PUM2: variants seen among roughly 807,000 people sequenced by gnomAD.
PUM2 encodes pumilio homolog 2.
Under a neutral mutation model 124.5 loss-of-function variants are expected in PUM2, and 57 were observed. That is an observed-to-expected ratio of 0.46 (90% CI 0.37 to 0.57). The LOEUF is 0.57. Ranked by LOEUF, PUM2 falls within the 20% of genes least tolerant of loss-of-function variation. PUM2 has a pLI of 0.00. For synonymous variants in PUM2, 460 were observed against 446.1 expected, an observed-to-expected ratio of 1.03 and a Z score of -0.39; for missense variants, 1,065 against 1,290.6, an observed-to-expected ratio of 0.83 and a Z score of 2.68.
At chr2:20,335,090 A>ATTT (rs1685722981) in intron 1 of PUM2, among the ~76,000 whole-genome samples, 1 of 151,978 alleles carries the variant, frequency 6.6e-6, no homozygotes, top group Non-Finnish European at 1.5e-5. Flanking sequence ...CCCCCAGCAA[A>ATTT]TTTTTGTATT....
At chr2:20,256,287 T>A in intron 16 of PUM2, 117 bp from the exon 17 acceptor site, 1 of 948,696 alleles carries the variant, frequency 1.1e-6, no homozygotes, top group Non-Finnish European at 1.5e-6. Context: ...ATCTCAGTAT[T>A]AAAAATACTG....
intron 12 of PUM2, among the ~76,000 whole-genome samples, chr2:20,280,777 G>A (rs1473236537): frequency 2.0e-5 from 3 of 152,112 alleles, no homozygotes; most frequent in African/African-American, 4.8e-5. Context: ...ATCTAAGAGG[G>A]TAGACAGACT....
intron 9 of PUM2, among the ~76,000 whole-genome samples, chr2:20,291,936 A>G (rs866816818): frequency 1.3e-5 from 2 of 151,950 alleles, no homozygotes; most frequent in Non-Finnish European, 1.5e-5. Context: ...AAGCAATCCA[A>G]TGAAAAGTAA....
Position 20,326,152 on chromosome 2 carries a change from CA to C in PUM2, c.51+1157del, listed in dbSNP as rs547870481. 1.4e-3 allele frequency: 1,448 copies of C among 1,017,186 alleles called. 12 individuals are homozygous for C. The African/African-American group carries it at 0.022, about 15-fold the overall frequency. The allele number at this position is 1,017,186 out of a possible 1,614,324, so 63.0% of individuals were successfully genotyped here. On this transcript the variant is annotated intron_variant, in intron 2 of 20. Coordinates refer to ENST00000361078, the MANE Select transcript of PUM2 (RefSeq NM_015317.5). The stretch of plus-strand genomic sequence containing the variant: ...GCAGTGAAGCTACAGATTTTGTTTA[CA>C]AAAAAAATTCAATTTCTTCAATTTT...
At chr2:20,282,244 C>G (rs1672604922) in intron 12 of PUM2, among the ~76,000 whole-genome samples, 1 of 152,188 alleles carries the variant, frequency 6.6e-6, no homozygotes. Context: ...AGTTCTTCCT[C>G]TACCACAGGA....
intron 13 of PUM2, among the ~76,000 whole-genome samples, 164 bp from the exon 14 acceptor site, chr2:20,263,624 T>G (rs999247424): frequency 2.6e-5 from 4 of 152,208 alleles, no homozygotes; most frequent in African/African-American, 9.6e-5. Flanking sequence ...CTCACCCATA[T>G]ACCTCATGTA....
intron 1 of PUM2, among the ~76,000 whole-genome samples, chr2:20,343,802 G>C (rs374913979): frequency 6.6e-6 from 1 of 152,136 alleles, no homozygotes; most frequent in African/African-American, 2.4e-5. Flanking sequence ...GATGTTGTGC[G>C]CCTGTAATGC....
chr2:20,341,229 T>C (rs1488073654), intron 1 of PUM2, among the ~76,000 whole-genome samples: 2 of 152,210 alleles, frequency 1.3e-5, no homozygotes, highest in African/African-American at 2.4e-5. Context: ...GTTTCTCTTT[T>C]GGAAATTTAC....
intron 13 of PUM2, among the ~76,000 whole-genome samples, chr2:20,264,277 C>T (rs1220673926): frequency 7.9e-6 from 1 of 126,586 alleles, no homozygotes; most frequent in East Asian, 2.6e-4. Context: ...GCGGAGGTTG[C>T]AGTGAACCAA....
intron 2 of PUM2, among the ~76,000 whole-genome samples, chr2:20,324,698 A>G (rs1453003919): frequency 6.6e-6 from 1 of 152,202 alleles, no homozygotes; most frequent in Non-Finnish European, 1.5e-5. Context: ...ATCAGTGTAA[A>G]AACAGAGAGG....
intron 7 of PUM2, among the ~76,000 whole-genome samples, chr2:20,304,916 A>G (rs956994296): frequency 1.3e-5 from 2 of 152,196 alleles, no homozygotes; most frequent in Non-Finnish European, 2.9e-5. Context: ...TGCAAATTAT[A>G]TGGTACATAT....
intron 9 of PUM2, among the ~76,000 whole-genome samples, chr2:20,291,057 C>T (rs1168151305): frequency 6.6e-6 from 1 of 152,074 alleles, no homozygotes; most frequent in Non-Finnish European, 1.5e-5. Context: ...TATCTGTGCT[C>T]TTTAACAAAG....
At chr2:20,320,972 TAAC>T (rs1295829084) in intron 2 of PUM2, among the ~76,000 whole-genome samples, 1 of 152,142 alleles carries the variant, frequency 6.6e-6, no homozygotes, top group Non-Finnish European at 1.5e-5. Flanking sequence ...ATCAAAATAA[TAAC>T]AAATAAGTAA....
chr2:20,334,411 G>A (rs1054417464), intron 1 of PUM2, among the ~76,000 whole-genome samples: 1 of 152,110 alleles, frequency 6.6e-6, no homozygotes, highest in African/African-American at 2.4e-5. Context: ...GAAAGCATTT[G>A]GAGATACAAT....
chr2:20,282,379 G>A (rs1362244780), intron 12 of PUM2, among the ~76,000 whole-genome samples: 1 of 152,166 alleles, frequency 6.6e-6, no homozygotes, highest in Non-Finnish European at 1.5e-5. Context: ...TAGTGACAAA[G>A]GCTAACTTAT....
At chr2:20,350,348 C>A (rs1689083354) in intron 1 of PUM2, 1 of 583,150 alleles carries the variant, frequency 1.7e-6, no homozygotes, top group Non-Finnish European at 2.2e-6. Flanking sequence ...GCGGCGGCCC[C>A]GCAGAGGGAA....
At chr2:20,348,723 G>A (rs777223944) in intron 1 of PUM2, among the ~76,000 whole-genome samples, 1 of 152,198 alleles carries the variant, frequency 6.6e-6, no homozygotes. Flanking sequence ...TGAGATCGGA[G>A]TTCAGCCCAG....
intron 10 of PUM2, among the ~76,000 whole-genome samples, chr2:20,288,577 A>G (rs929656170): frequency 2.6e-5 from 4 of 152,220 alleles, no homozygotes; most frequent in African/African-American, 9.6e-5. Flanking sequence ...GAAAGACTAA[A>G]GATTCAAGAC....
At chr2:20,349,428 T>C (rs1301307704) in intron 1 of PUM2, among the ~76,000 whole-genome samples, 3 of 152,178 alleles carry the variant, frequency 2.0e-5, no homozygotes, top group South Asian at 2.1e-4. Flanking sequence ...GAAAATGCCA[T>C]CATTTTTATT....
Sources: gnomAD v4.1 joint callset for allele counts (sites outside exome capture counted in the v4.1 genomes callset) on GRCh38, gnomAD v4.1.1 for gene constraint, MANE v1.5 for transcripts, NCBI Gene and HGNC (gene_info 2026-07-23, HGNC 2026-07-21) for gene names.